Variants in MYO5B observed in about 807,000 individuals in gnomAD.
MYO5B encodes myosin VB, also known as unconventional myosin-Vb.
In MYO5B, 143 loss-of-function variants were observed where a neutral mutation model predicts 229.3. The ratio of observed to expected loss-of-function variants is 0.62; its 90% CI spans 0.54 to 0.72. MYO5B has a LOEUF of 0.72. Ranked by LOEUF, MYO5B falls within the 30% of genes least tolerant of loss-of-function variation. The pLI is 0.00. For missense variants in MYO5B, 2,321 were observed against 2,331.0 expected, an observed-to-expected ratio of 1.00 and a Z score of 0.09; for synonymous variants, 918 against 885.2, an observed-to-expected ratio of 1.04 and a Z score of -0.66.
chr18:50,071,405 C>G (rs1301516272), intron 1 of MYO5B, among the ~76,000 whole-genome samples: 1 of 152,194 alleles, frequency 6.6e-6, no homozygotes, highest in Non-Finnish European at 1.5e-5. Context: ...CCCATGCATA[C>G]AGGACAGGGC....
At position 50,157,989 on chromosome 18, in the gene MYO5B, T is replaced by C. The variant is rs9954730; in HGVS notation, c.27+36778A>G. On this transcript the variant is annotated intron_variant, in intron 1 of 39. Transcript: ENST00000285039. The stretch of plus-strand genomic sequence containing the variant: ...AAAATTTGGGAGGTTTTACTGTATG[T>C]GACGAAATGTGATCACACAACTAAA... Among the ~76,000 whole-genome samples the C allele has an allele frequency of 5.7e-3, 872 of 152,326 alleles. 2 individuals carry two copies. The highest frequency in any genetic ancestry group is 0.02 in the African/African-American group (842 of 41,566).
At chr18:49,990,389 G>A (rs759141252) in intron 7 of MYO5B, 50 bp downstream of exon 7, 17 of 1,492,702 alleles carry the variant, frequency 1.1e-5, no homozygotes, top group East Asian at 9.1e-5. Context: ...CTGTGCACCC[G>A]CTGGAGCAGT....
intron 8 of MYO5B, among the ~76,000 whole-genome samples, chr18:49,984,289 C>T (rs1449079645): frequency 1.3e-5 from 2 of 152,226 alleles, no homozygotes; most frequent in Non-Finnish European, 2.9e-5. Context: ...GCTGCCAGAC[C>T]TTCACAGCCT....
chr18:49,848,842 T>G (rs955479839), intron 32 of MYO5B, among the ~76,000 whole-genome samples: 1 of 152,098 alleles, frequency 6.6e-6, no homozygotes, highest in Non-Finnish European at 1.5e-5. Context: ...CAGACATCCC[T>G]GCCCTCTAAG....
rs183181686 is a variant in MYO5B at position 49,962,778 on chromosome 18, C to A, written c.1404+171G>T. Among the ~76,000 whole-genome samples the A allele has an allele frequency of 4.7e-4, 71 of 152,224 alleles. 1 individual carries two copies. Among genetic ancestry groups the A allele is most frequent in the African/African-American group, 1.7e-3 (69 of 41,528 alleles). On this transcript the variant is annotated intron_variant, in intron 11 of 39. Transcript: ENST00000285039. ...CAGTTGCCCCCATTCAGTTCTCCCTCCTGAGCAGTGGAGAGCCCCTTCCGA... is the reference window on the plus strand; with the variant it reads ...CAGTTGCCCCCATTCAGTTCTCCCTACTGAGCAGTGGAGAGCCCCTTCCGA...
chr18:49,962,402 A>C lies in MYO5B; in HGVS notation c.1409T>G (p.Val470Gly). 2 of 1,614,144 alleles carry C rather than the reference A, an allele frequency of 1.2e-6. No homozygotes were observed. Among genetic ancestry groups the C allele is most frequent in the Non-Finnish European group, 1.7e-6 (2 of 1,180,014 alleles). ...EKLQQQFNSH[V>G]FKLEQEEYMK... ...GTATTCTTCTTGCTCCAGTTTGAAA[A>C]CATGCTAGGGCAAGTAAAAAGGTCA... The change falls in exon 12 of 40, where the codon GTT (valine) becomes GGT (glycine). Residue 470 changes from valine to glycine, a missense_variant. By Grantham distance (109) the Val-to-Gly change is moderately radical. This residue lies in a region of MYO5B where 2,113 missense variants were observed against 2,044.7 expected (regional missense o/e 1.03). Coordinates refer to ENST00000285039, the MANE Select transcript of MYO5B (RefSeq NM_001080467.3).
intron 1 of MYO5B, among the ~76,000 whole-genome samples, chr18:50,106,972 G>A (rs928977594): frequency 2.9e-4 from 44 of 152,136 alleles, no homozygotes; most frequent in African/African-American, 1.0e-3. Flanking sequence ...AGGGTGCAAA[G>A]GGAGGAGAAC....
intron 1 of MYO5B, among the ~76,000 whole-genome samples, chr18:50,115,144 G>C (rs1188546404): frequency 6.6e-6 from 1 of 152,106 alleles, no homozygotes; most frequent in Admixed American, 6.5e-5. Flanking sequence ...CATCATACCT[G>C]TCCCAGTCAT....
chr18:50,044,460 C>A (rs1011147435), intron 2 of MYO5B, among the ~76,000 whole-genome samples: 25 of 152,150 alleles, frequency 1.6e-4, no homozygotes, highest in African/African-American at 6.0e-4. Flanking sequence ...GTTAACAATT[C>A]TCACAAAATT....
chr18:50,107,368 C>T (rs894069145), intron 1 of MYO5B, among the ~76,000 whole-genome samples: 2 of 151,754 alleles, frequency 1.3e-5, no homozygotes, highest in Non-Finnish European at 2.9e-5. Flanking sequence ...CCAGGGTGCT[C>T]TTGAAGAACT....
chr18:50,003,368 T>C (rs2026068328), intron 4 of MYO5B, among the ~76,000 whole-genome samples: 1 of 152,228 alleles, frequency 6.6e-6, no homozygotes, highest in Non-Finnish European at 1.5e-5. Flanking sequence ...CTGAGATCCC[T>C]TGTAGTTCTA....
At chr18:50,092,574 A>G (rs2031470178) in intron 1 of MYO5B, among the ~76,000 whole-genome samples, 1 of 152,106 alleles carries the variant, frequency 6.6e-6, no homozygotes, top group Non-Finnish European at 1.5e-5. Flanking sequence ...AGAACTGTAA[A>G]AGGGTTATAA....
At chr18:50,025,836 A>G (rs1345342660) in intron 4 of MYO5B, among the ~76,000 whole-genome samples, 1 of 152,162 alleles carries the variant, frequency 6.6e-6, no homozygotes. Context: ...AGATCACTGC[A>G]TATGTGGCTT....
At chr18:50,030,466 G>C (rs2026375247) in intron 4 of MYO5B, among the ~76,000 whole-genome samples, 2 of 152,018 alleles carry the variant, frequency 1.3e-5, no homozygotes, top group Non-Finnish European at 2.9e-5. Flanking sequence ...TTTTCACGAT[G>C]GACACTCATT....
intron 1 of MYO5B, among the ~76,000 whole-genome samples, chr18:50,166,736 T>C (rs1599072409): frequency 6.6e-6 from 1 of 152,098 alleles, no homozygotes; most frequent in East Asian, 1.9e-4. Flanking sequence ...CATCAGGAAA[T>C]TAGGTTGAGT....
At chr18:49,877,424 C>G (rs1168713263) in intron 25 of MYO5B, among the ~76,000 whole-genome samples, 1 of 152,220 alleles carries the variant, frequency 6.6e-6, no homozygotes, top group South Asian at 2.1e-4. Context: ...TAAGTTGTAT[C>G]TATTTTAATG....
intron 10 of MYO5B, among the ~76,000 whole-genome samples, chr18:49,966,915 T>G (rs1157882756): frequency 6.6e-6 from 1 of 152,216 alleles, no homozygotes; most frequent in Non-Finnish European, 1.5e-5. Context: ...GGGTAACTTT[T>G]CCTTTACAAT....
chr18:50,084,330 A>G (rs998278268), intron 1 of MYO5B, among the ~76,000 whole-genome samples: 4 of 152,244 alleles, frequency 2.6e-5, no homozygotes, highest in African/African-American at 9.6e-5. Context: ...TACTCTCTCT[A>G]GAGTTAGAGA....
chr18:49,893,051 C>G (rs771576220), intron 22 of MYO5B, among the ~76,000 whole-genome samples: 4 of 152,158 alleles, frequency 2.6e-5, no homozygotes, highest in Non-Finnish European at 5.9e-5. Flanking sequence ...TTTTGCTCCT[C>G]CAATGAAGAT....
Sources: gnomAD v4.1 joint callset for allele counts (sites outside exome capture counted in the v4.1 genomes callset) on GRCh38, gnomAD v4.1.1 for gene constraint, gnomAD v4.1.1 regional missense constraint, MANE v1.5 for transcripts, NCBI Gene and HGNC (gene_info 2026-07-23, HGNC 2026-07-21) for gene names.